CFAP46: variants seen among roughly 807,000 people sequenced by gnomAD.
CFAP46 encodes the protein cilia and flagella associated protein 46, also known as cilia- and flagella-associated protein 46.
CFAP46 carries 245 observed loss-of-function variants against 325.7 expected under a neutral mutation model. That is an observed-to-expected ratio of 0.75 (90% CI 0.68 to 0.84). The LOEUF (loss-of-function observed/expected upper bound fraction) is 0.84, where lower values mean the gene tolerates loss of function less well. Ranked by LOEUF, CFAP46 falls within the 40% of genes least tolerant of loss-of-function variation. The probability of loss-of-function intolerance (pLI) is 0.00; values close to 1 mark genes in which losing one functional copy is unlikely to be tolerated. For synonymous variants in CFAP46, 1,523 were observed against 1,495.9 expected, an observed-to-expected ratio of 1.02 and a Z score of -0.42; for missense variants, 3,346 against 3,543.0, an observed-to-expected ratio of 0.94 and a Z score of 1.41.
In CFAP46 at chr10:132,916,345, C is replaced by T. The variant is rs567139399; in HGVS notation, c.2120+204G>A. Among the ~76,000 whole-genome samples, 12 of 152,316 alleles carry T rather than the reference C, an allele frequency of 7.9e-5. No homozygotes were observed. In the South Asian group the frequency reaches 1.0e-3, roughly 13 times the overall value. On this transcript the variant is annotated intron_variant, in intron 17 of 57. Coordinates refer to ENST00000368586, the MANE Select transcript of CFAP46 (RefSeq NM_001200049.3). ...ACGCCTGGGGTCTTGCGAGGAACGA[C>T]GGCTAAAAACAGGAGAGGCCACGTC...
At chr10:132,856,940 G>C (rs1486615141) in intron 39 of CFAP46, among the ~76,000 whole-genome samples, 4 of 152,196 alleles carry the variant, frequency 2.6e-5, no homozygotes, top group Non-Finnish European at 5.9e-5. Context: ...AAATAGCTGG[G>C]TCCTTTCAGG....
chr10:132,856,264 G>C (rs1848641124), intron 39 of CFAP46, among the ~76,000 whole-genome samples: 1 of 152,154 alleles, frequency 6.6e-6, no homozygotes, highest in Admixed American at 6.5e-5. Flanking sequence ...TCTTGCACTG[G>C]TGTTAAAGTG....
rs1373740547 is a variant in CFAP46 at position 132,832,715 on chromosome 10, C to T, written c.7117+643G>A. On this transcript the variant is annotated intron_variant, in intron 50 of 57. Coordinates refer to ENST00000368586, the MANE Select transcript of CFAP46 (RefSeq NM_001200049.3). This position sits in a 1 kb window ranked among gnomAD's most constrained non-coding sequence, Gnocchi z 4.1. ...GCTTCACAACCGGGGCACGTCTGCA[C>T]AGCCAGCACTCAGTCACAGAATGTC... The T allele has an allele frequency of 2.1e-6, 1 of 469,182 alleles. No individual in the cohort carries two copies. The highest frequency in any genetic ancestry group is 2.0e-5 in the African/African-American group (1 of 50,060). The allele number at this position is 469,182 out of a possible 1,614,324, so 29.1% of individuals were successfully genotyped here.
chr10:132,909,384 T>C (rs1196425079), intron 20 of CFAP46, 140 bp from the exon 21 acceptor site: 4 of 645,154 alleles, frequency 6.2e-6, no homozygotes, highest in Non-Finnish European at 1.1e-5. Flanking sequence ...CCTTAGGCTG[T>C]TTTTGTAACT....
At chr10:132,816,370 C>T (rs1202656879) in intron 50 of CFAP46, among the ~76,000 whole-genome samples, 3 of 139,264 alleles carry the variant, frequency 2.2e-5, no homozygotes, top group African/African-American at 5.4e-5. Flanking sequence ...CTCGCTCTGT[C>T]GCCCAGGCTG....
At chr10:132,851,514 C>T (rs887001088) in intron 39 of CFAP46, among the ~76,000 whole-genome samples, 2 of 152,226 alleles carry the variant, frequency 1.3e-5, no homozygotes, top group African/African-American at 2.4e-5. Flanking sequence ...ATCCCCAAAT[C>T]TCTTCGCGTC....
chr10:132,913,270 G>A lies in CFAP46; in HGVS notation c.2121-12C>T. The A allele has an allele frequency of 6.9e-7, 1 of 1,457,208 alleles. No homozygotes were observed. The highest frequency in any genetic ancestry group is 9.2e-7 in the Non-Finnish European group (1 of 1,089,620). 90.3% of individuals were successfully genotyped at this position (1,457,208 alleles called of 1,614,324 possible). A position where few individuals can be genotyped will look rare whatever the true frequency, so the allele number is the denominator to read the frequency against. On this transcript the variant is annotated splice_polypyrimidine_tract_variant and intron_variant, in intron 17 of 57. Coordinates refer to ENST00000368586, the MANE Select transcript of CFAP46 (RefSeq NM_001200049.3). ...TCTCGATCCAGGTTCTGCAAAACGA[G>A]CACCACCAAGCCCTTAATGCAGGGT...
intron 8 of CFAP46, among the ~76,000 whole-genome samples, chr10:132,933,644 G>T (rs1316164915): frequency 6.6e-6 from 1 of 152,244 alleles, no homozygotes; most frequent in Non-Finnish European, 1.5e-5. Context: ...GCCACCCTGC[G>T]GTCCTGGGGC....
chr10:132,844,665 C>T (rs1223712613), intron 44 of CFAP46, among the ~76,000 whole-genome samples: 1 of 152,162 alleles, frequency 6.6e-6, no homozygotes, highest in Non-Finnish European at 1.5e-5. Flanking sequence ...TGGCCCTGCA[C>T]TCAGTCCTGC....
intron 22 of CFAP46, among the ~76,000 whole-genome samples, chr10:132,905,693 C>A (rs1318473229): frequency 1.3e-5 from 2 of 152,208 alleles, no homozygotes; most frequent in Non-Finnish European, 2.9e-5. Context: ...TGGGGCAGTT[C>A]TATTTCCTGC....
intron 27 of CFAP46, among the ~76,000 whole-genome samples, chr10:132,883,936 A>G (rs944892634): frequency 6.6e-6 from 1 of 152,202 alleles, no homozygotes; most frequent in African/African-American, 2.4e-5. Flanking sequence ...GGGGTGATGA[A>G]ACCTTCTAAA....
intron 35 of CFAP46, among the ~76,000 whole-genome samples, chr10:132,863,469 C>T (rs1433423975): frequency 1.3e-5 from 2 of 152,130 alleles, no homozygotes; most frequent in Non-Finnish European, 2.9e-5. Flanking sequence ...CCCTTTTGAC[C>T]CTGGTGTGCA....
At chr10:132,843,528 GTGCTGTAA>G (rs1848379231) in intron 44 of CFAP46, among the ~76,000 whole-genome samples, 1 of 148,370 alleles carries the variant, frequency 6.7e-6, no homozygotes, top group Non-Finnish European at 1.5e-5. Context: ...CGTTCCCAGG[GTGCTGTAA>G]GGCTCTGGTC....
At chr10:132,829,356 T>C (rs1458118751) in intron 50 of CFAP46, among the ~76,000 whole-genome samples, 4 of 152,262 alleles carry the variant, frequency 2.6e-5, no homozygotes, top group Non-Finnish European at 5.9e-5. Context: ...TAATTTCTGA[T>C]AGTTAGTTAT....
chr10:132,847,300 G>T lies in CFAP46; in HGVS notation c.5974C>A (p.Leu1992Ile). The T allele has an allele frequency of 6.2e-7, 1 of 1,613,518 alleles. No individual in the cohort carries two copies. The highest frequency in any genetic ancestry group is 1.3e-5 in the African/African-American group (1 of 75,004). Residue 1992 changes from leucine (L) to isoleucine (I), a missense_variant, in exon 42 of 58, where the codon CTC becomes ATC. Physicochemically the swap from Leu to Ile is conservative, Grantham distance 5. Transcript: ENST00000368586. The surrounding 1 kb of genome is among the most constrained non-coding windows in gnomAD (Gnocchi z 5.2). The stretch of plus-strand genomic sequence containing the variant: ...TCTACCTCCAGCTCCAGAGACTTGA[G>T]GCCGCTCAGCTTGGCGCCCACCTGT... ...GPSVGAKLSGLKSLELEVEEE... is the reference protein window; with the variant it reads ...GPSVGAKLSGIKSLELEVEEE...
At chr10:132,859,346 G>A (rs930495521) in intron 37 of CFAP46, 99 bp from the exon 38 acceptor site, 2 of 1,045,002 alleles carry the variant, frequency 1.9e-6, no homozygotes, top group African/African-American at 1.6e-5. Context: ...TTCATCCAGG[G>A]ATGCTCGGAG....
chr10:132,921,129 C>A (rs1387267247), intron 13 of CFAP46, among the ~76,000 whole-genome samples: 1 of 152,072 alleles, frequency 6.6e-6, no homozygotes, highest in Non-Finnish European at 1.5e-5. Context: ...CGAGACATGA[C>A]CCAGCAGCTC....
In CFAP46 at chr10:132,869,391, A is replaced by G; in HGVS notation, c.4512-19T>C. On this transcript the variant is annotated intron_variant, in intron 32 of 57. Coordinates refer to ENST00000368586, the MANE Select transcript of CFAP46 (RefSeq NM_001200049.3). This position sits in a 1 kb window ranked among gnomAD's most constrained non-coding sequence, Gnocchi z 6.2. ...GGCGAGGCTGTGGGGAGTGTGGCCGAAAGAGTCAGTGTTGCACGGGCGCAG... is the reference window on the plus strand; with the variant it reads ...GGCGAGGCTGTGGGGAGTGTGGCCGGAAGAGTCAGTGTTGCACGGGCGCAG... The G allele has an allele frequency of 4.0e-6, 6 of 1,513,120 alleles. No individual in the cohort carries two copies. The highest frequency in any genetic ancestry group is 5.3e-6 in the Non-Finnish European group (6 of 1,129,606). The allele number at this position is 1,513,120 out of a possible 1,614,324, so 93.7% of individuals were successfully genotyped here.
intron 12 of CFAP46, 48 bp downstream of exon 12, chr10:132,922,432 A>T (rs961720296): frequency 2.5e-5 from 38 of 1,499,642 alleles, no homozygotes; most frequent in Admixed American, 6.2e-5. Flanking sequence ...CCCCGGCCCC[A>T]TGCTGGGGCT....
Sources: gnomAD v4.1 joint callset for allele counts (sites outside exome capture counted in the v4.1 genomes callset) on GRCh38, gnomAD v4.1.1 for gene constraint, Gnocchi (gnomAD v3.1) non-coding constraint, MANE v1.5 for transcripts, NCBI Gene and HGNC (gene_info 2026-07-23, HGNC 2026-07-21) for gene names.